Variants in BBS9 observed in about 807,000 individuals in gnomAD.
BBS9 encodes the protein Bardet-Biedl syndrome 9.
BBS9 carries 89 observed loss-of-function variants against 117.7 expected under a neutral mutation model. The observed-to-expected ratio is 0.76, with a 90% CI of 0.64 to 0.90. The LOEUF (loss-of-function observed/expected upper bound fraction) is 0.90. Ranked by LOEUF, BBS9 falls within the 40% of genes least tolerant of loss-of-function variation. The pLI is 0.00. For synonymous variants in BBS9, 379 were observed against 370.9 expected (o/e 1.02, Z -0.25); for missense variants, 982 against 1,042.2 (o/e 0.94, Z 0.80).
intron 17 of BBS9, among the ~76,000 whole-genome samples, chr7:33,371,227 TTAAG>T (rs1285626728): frequency 6.6e-6 from 1 of 152,178 alleles, no homozygotes; most frequent in East Asian, 1.9e-4. Context: ...AAGATTATGC[TTAAG>T]TAATTATGAG....
At chr7:33,596,198 A>C (rs1460262561) in intron 21 of BBS9, among the ~76,000 whole-genome samples, 3 of 151,300 alleles carry the variant, frequency 2.0e-5, no homozygotes, top group Non-Finnish European at 4.4e-5. Flanking sequence ...TAAAAAAAAA[A>C]ACCCAACAAT....
chr7:33,578,565 C>G (rs1176157277), intron 21 of BBS9, among the ~76,000 whole-genome samples: 1 of 152,112 alleles, frequency 6.6e-6, no homozygotes, highest in African/African-American at 2.4e-5. Context: ...TATTTGAAGC[C>G]TAGTTTTGGC....
chr7:33,226,117 A>G (rs1791222927), intron 5 of BBS9, among the ~76,000 whole-genome samples: 1 of 152,182 alleles, frequency 6.6e-6, no homozygotes, highest in Non-Finnish European at 1.5e-5. Flanking sequence ...GGGGGAACCT[A>G]TAGATTCTCA....
intron 21 of BBS9, among the ~76,000 whole-genome samples, chr7:33,556,904 A>C (rs1220360542): frequency 6.6e-6 from 1 of 152,228 alleles, no homozygotes; most frequent in Non-Finnish European, 1.5e-5. Context: ...CCTGTCTACA[A>C]GAAGACTAAC....
At chr7:33,499,744 T>C (rs576523042) in intron 19 of BBS9, among the ~76,000 whole-genome samples, 1 of 152,326 alleles carries the variant, frequency 6.6e-6, no homozygotes, top group African/African-American at 2.4e-5. Context: ...GTCTTATTTT[T>C]AAAATGGGAG....
intron 5 of BBS9, among the ~76,000 whole-genome samples, chr7:33,218,419 A>G (rs1789488880): frequency 6.6e-6 from 1 of 152,230 alleles, no homozygotes; most frequent in Non-Finnish European, 1.5e-5. Context: ...CATTGTCAGT[A>G]ATGAACTGTT....
At chr7:33,150,179 C>T (rs1191949715) in intron 2 of BBS9, among the ~76,000 whole-genome samples, 2 of 152,070 alleles carry the variant, frequency 1.3e-5, no homozygotes, top group Non-Finnish European at 2.9e-5. Flanking sequence ...TGATTAAGCC[C>T]CACTATCTGA....
intron 5 of BBS9, among the ~76,000 whole-genome samples, chr7:33,199,863 T>G (rs1785553164): frequency 6.6e-6 from 1 of 151,952 alleles, no homozygotes; most frequent in Non-Finnish European, 1.5e-5. Flanking sequence ...AACCATTTAT[T>G]TTAAGCCTTG....
At chr7:33,260,888 C>G (rs1210403434) in intron 6 of BBS9, among the ~76,000 whole-genome samples, 1 of 152,136 alleles carries the variant, frequency 6.6e-6, no homozygotes, top group East Asian at 1.9e-4. Flanking sequence ...CCCCAGCAAC[C>G]CCTCAATAGC....
intron 9 of BBS9, among the ~76,000 whole-genome samples, chr7:33,278,157 AT>A (rs1801138567): frequency 6.6e-6 from 1 of 152,116 alleles, no homozygotes; most frequent in African/African-American, 2.4e-5. Context: ...CACTGTGACA[AT>A]TTTTGCAAAG....
rs1326093409 is a variant in BBS9 at position 33,172,942 on chromosome 7, TA to T, written c.329-4534del. On this transcript the variant is annotated intron_variant, in intron 4 of 22. Transcript: ENST00000242067. ...AATTTAAAACAATGGGAAGAGTTTC[TA>T]ATATACACAGGCAGACATCCTTAAA... Among the ~76,000 whole-genome samples the T allele has an allele frequency of 3.3e-5, 5 of 152,356 alleles. No individual in the cohort carries two copies. The East Asian group carries it at 9.6e-4, about 29-fold the overall frequency.
intron 21 of BBS9, among the ~76,000 whole-genome samples, chr7:33,560,146 G>C (rs1445544034): frequency 6.6e-6 from 1 of 152,112 alleles, no homozygotes; most frequent in African/African-American, 2.4e-5. Context: ...GTGTTTTGTG[G>C]CTTTGGTACC....
At chr7:33,376,492 T>C (rs972120724) in intron 17 of BBS9, among the ~76,000 whole-genome samples, 1 of 152,224 alleles carries the variant, frequency 6.6e-6, no homozygotes, top group Non-Finnish European at 1.5e-5. Context: ...TGAATAGTGC[T>C]ACAATGAGCA....
chr7:33,276,930 G>A, intron 9 of BBS9: 1 of 193,994 alleles, frequency 5.2e-6, no homozygotes, highest in Non-Finnish European at 1.2e-5. Context: ...GCCACAAGAG[G>A]GTGGAAGAGC....
At chr7:33,299,621 A>G (rs961396879) in intron 9 of BBS9, among the ~76,000 whole-genome samples, 42 of 148,084 alleles carry the variant, frequency 2.8e-4, no homozygotes, top group African/African-American at 1.1e-3. Flanking sequence ...TAAATATTAA[A>G]TTTATAATAC....
intron 20 of BBS9, among the ~76,000 whole-genome samples, chr7:33,514,159 T>G (rs1397822588): frequency 6.6e-6 from 1 of 152,342 alleles, no homozygotes; most frequent in Non-Finnish European, 1.5e-5. Flanking sequence ...GAACAAATAC[T>G]TAACTAGCTC....
intron 20 of BBS9, among the ~76,000 whole-genome samples, chr7:33,516,281 G>C (rs1439492131): frequency 6.6e-6 from 1 of 151,868 alleles, no homozygotes. Context: ...ATGAGGTCAG[G>C]AGTTCAAGAC....
At chr7:33,284,554 A>G (rs1431516978) in intron 9 of BBS9, among the ~76,000 whole-genome samples, 2 of 152,154 alleles carry the variant, frequency 1.3e-5, no homozygotes, top group African/African-American at 2.4e-5. Context: ...AGTGAATTTA[A>G]TCTGTTTAAA....
Position 33,180,232 on chromosome 7 carries a change from C to A in BBS9, c.442+2641C>A, listed in dbSNP as rs180891357. ...GGTCCAACCCTAGCCAATAGGGGAA[C>A]AACACAGCAGTAGGGGGTACCTGTG... On this transcript the variant is annotated intron_variant, in intron 5 of 22. Transcript: ENST00000242067. Among the ~76,000 whole-genome samples the A allele has an allele frequency of 1.7e-3, 263 of 152,298 alleles. 5 individuals are homozygous for A. Among genetic ancestry groups the A allele is most frequent in the East Asian group, 9.6e-4 (5 of 5,186 alleles).
Sources: gnomAD v4.1 joint callset for allele counts (sites outside exome capture counted in the v4.1 genomes callset) on GRCh38, gnomAD v4.1.1 for gene constraint, MANE v1.5 for transcripts, NCBI Gene and HGNC (gene_info 2026-07-23, HGNC 2026-07-21) for gene names.